The following EYS variants were observed in gnomAD, a reference collection of about 807,000 sequenced individuals.
The protein encoded by EYS is protein eyes shut homolog.
In EYS, 250 loss-of-function variants were observed where a neutral mutation model predicts 282.1. The observed-to-expected ratio is 0.89, with a 90% CI of 0.80 to 0.98. The LOEUF (loss-of-function observed/expected upper bound fraction) is 0.98. Among genes scored for constraint, EYS ranks in the 50% least tolerant of loss-of-function variants. EYS has a pLI of 0.00. For synonymous variants in EYS, 1,355 were observed against 1,282.9 expected, an observed-to-expected ratio of 1.06 and a Z score of -1.20; for missense variants, 4,016 against 3,709.0, an observed-to-expected ratio of 1.08 and a Z score of -2.15.
chr6:64,450,610 AAGCACCCCTC>A (rs1449103684), intron 26 of EYS, among the ~76,000 whole-genome samples: 2 of 152,174 alleles, frequency 1.3e-5, no homozygotes, highest in South Asian at 2.1e-4. Flanking sequence ...CTTGGAAGTA[AAGCACCCCTC>A]AGCAAATGTA....
chr6:64,782,293 C>T (rs1030922427), intron 22 of EYS, among the ~76,000 whole-genome samples: 4 of 152,126 alleles, frequency 2.6e-5, no homozygotes, highest in Non-Finnish European at 5.9e-5. Flanking sequence ...TGTGAACCTT[C>T]CAGAATATTG....
At chr6:65,387,505 A>G (rs1765846083) in intron 7 of EYS, among the ~76,000 whole-genome samples, 1 of 151,928 alleles carries the variant, frequency 6.6e-6, no homozygotes, top group African/African-American at 2.4e-5. Context: ...AAAATGTTCA[A>G]TATTTTACTA....
chr6:63,842,432 C>T (rs1195198958), intron 36 of EYS, among the ~76,000 whole-genome samples: 2 of 152,086 alleles, frequency 1.3e-5, no homozygotes, highest in African/African-American at 2.4e-5. Context: ...CTGTTCATAT[C>T]CTTCACCCAC....
chr6:64,787,344 G>GAA (rs1457359855), intron 22 of EYS, among the ~76,000 whole-genome samples: 1 of 152,120 alleles, frequency 6.6e-6, no homozygotes, highest in African/African-American at 2.4e-5. Flanking sequence ...TATAAAATTG[G>GAA]AAAGACATTT....
At chr6:65,317,825 C>CCTTTCTTT (rs201156936) in intron 11 of EYS, among the ~76,000 whole-genome samples, 216 of 81,194 alleles carry the variant, frequency 2.7e-3, no homozygotes, top group Non-Finnish European at 3.4e-3. Context: ...TTCCTTCCTT[C>CCTTTCTTT]CTTTCTTTCT....
intron 14 of EYS, among the ~76,000 whole-genome samples, chr6:64,956,783 A>G (rs1769718649): frequency 6.6e-6 from 1 of 152,216 alleles, no homozygotes; most frequent in Non-Finnish European, 1.5e-5. Context: ...AAAAATTTCA[A>G]CAGACATTTA....
intron 12 of EYS, among the ~76,000 whole-genome samples, chr6:65,272,342 C>T (rs915360370): frequency 5.3e-5 from 8 of 152,068 alleles, no homozygotes; most frequent in African/African-American, 1.7e-4. Flanking sequence ...ACCCCCTTGA[C>T]CTTGACCTTG....
intron 32 of EYS, 122 bp from the exon 33 acceptor site, chr6:64,066,613 T>A: frequency 1.5e-6 from 1 of 665,208 alleles, no homozygotes; most frequent in Non-Finnish European, 2.5e-6. Flanking sequence ...GGAGTGCTAT[T>A]AGATAATTAT....
At chr6:65,202,754 C>A (rs1765934186) in intron 12 of EYS, among the ~76,000 whole-genome samples, 1 of 152,036 alleles carries the variant, frequency 6.6e-6, no homozygotes, top group South Asian at 2.1e-4. Context: ...GATCTGGGCA[C>A]AAATGGTTTT....
intron 13 of EYS, among the ~76,000 whole-genome samples, chr6:65,052,172 A>G (rs1773290236): frequency 6.6e-6 from 1 of 151,528 alleles, no homozygotes; most frequent in Admixed American, 6.6e-5. Context: ...ATGTGAAAAA[A>G]TAGCATTTTT....
At chr6:64,362,773 C>T (rs1426942654) in intron 29 of EYS, among the ~76,000 whole-genome samples, 1 of 151,600 alleles carries the variant, frequency 6.6e-6, no homozygotes, top group Non-Finnish European at 1.5e-5. Context: ...AATGTATTTA[C>T]TTTGATTTTT....
chr6:64,721,856 A>C (rs75646448), intron 22 of EYS, among the ~76,000 whole-genome samples: 2 of 152,214 alleles, frequency 1.3e-5, no homozygotes, highest in East Asian at 3.9e-4. Flanking sequence ...TAGGCCTTAC[A>C]TTTGTAGGGC....
At chr6:64,516,900 T>G (rs1777576973) in intron 26 of EYS, among the ~76,000 whole-genome samples, 1 of 151,778 alleles carries the variant, frequency 6.6e-6, no homozygotes, top group South Asian at 2.1e-4. Context: ...TCAAAACTTA[T>G]TTGGAACTCT....
chr6:65,447,087 A>C lies in EYS; in HGVS notation c.863-41720T>G, dbSNP rs188757480. ...TCCTTTTAAATTTTATATATTTTGTAAGCTAAAATTCAGAAAGATTCAGTA... is the reference window on the plus strand; with the variant it reads ...TCCTTTTAAATTTTATATATTTTGTCAGCTAAAATTCAGAAAGATTCAGTA... On this transcript the variant is annotated intron_variant, in intron 5 of 42. Coordinates refer to ENST00000503581, the MANE Select transcript of EYS (RefSeq NM_001142800.2). 5.0e-3 allele frequency among the ~76,000 whole-genome samples: 754 copies of C among 151,514 alleles called. 11 individuals carry two copies. Among genetic ancestry groups the C allele is most frequent in the South Asian group, 0.018 (88 of 4,830 alleles).
intron 19 of EYS, among the ~76,000 whole-genome samples, chr6:64,845,563 C>T (rs771992070): frequency 6.6e-6 from 1 of 151,648 alleles, no homozygotes; most frequent in Non-Finnish European, 1.5e-5. Context: ...TTAGCCTACT[C>T]CTAGGCCTTT....
chr6:65,261,581 T>A (rs1018373307), intron 12 of EYS, among the ~76,000 whole-genome samples: 12 of 152,038 alleles, frequency 7.9e-5, no homozygotes, highest in African/African-American at 2.9e-4. Flanking sequence ...CTTAATAATA[T>A]AAAACAGATA....
At chr6:64,132,955 T>C (rs566334891) in intron 31 of EYS, among the ~76,000 whole-genome samples, 113 of 152,120 alleles carry the variant, frequency 7.4e-4, no homozygotes, top group Non-Finnish European at 1.5e-3. Context: ...TTTATGTTTA[T>C]ATGTAAGTAA....
At chr6:65,108,986 C>A (rs915175667) in intron 12 of EYS, among the ~76,000 whole-genome samples, 1 of 151,908 alleles carries the variant, frequency 6.6e-6, no homozygotes, top group Non-Finnish European at 1.5e-5. Flanking sequence ...TAAGTCCACC[C>A]AGTGATTTTT....
intron 31 of EYS, among the ~76,000 whole-genome samples, chr6:64,227,579 T>G (rs563132396): frequency 6.6e-6 from 1 of 152,194 alleles, no homozygotes; most frequent in South Asian, 2.1e-4. Flanking sequence ...AGGCTTTAGA[T>G]CTCTCATTTG....
Sources: gnomAD v4.1 joint callset for allele counts (sites outside exome capture counted in the v4.1 genomes callset) on GRCh38, gnomAD v4.1.1 for gene constraint, MANE v1.5 for transcripts, NCBI Gene and HGNC (gene_info 2026-07-23, HGNC 2026-07-21) for gene names.